The following AKAP6 variants were observed in gnomAD, a reference collection of about 807,000 sequenced individuals.
AKAP6 encodes A-kinase anchoring protein 6.
In AKAP6, 58 loss-of-function variants were observed where a neutral mutation model predicts 188.5. The ratio of observed to expected loss-of-function variants is 0.31; its 90% CI spans 0.25 to 0.38. The LOEUF (loss-of-function observed/expected upper bound fraction) is 0.38, where lower values mean the gene tolerates loss of function less well. AKAP6 is among the 10% of genes least tolerant of loss of function. The pLI is 1.00. For synonymous variants in AKAP6, 989 were observed against 998.6 expected, an observed-to-expected ratio of 0.99 and a Z score of 0.18; for missense variants, 2,710 against 2,740.0, an observed-to-expected ratio of 0.99 and a Z score of 0.24.
At position 32,672,130 on chromosome 14, in the gene AKAP6, A is replaced by T. The variant is rs540862381; in HGVS notation, c.2731-6181A>T. Among the ~76,000 whole-genome samples, 23 of 152,324 alleles carry T rather than the reference A, an allele frequency of 1.5e-4. No homozygotes were observed. In the South Asian group the frequency reaches 4.1e-3, roughly 27 times the overall value. Reference sequence around the variant, plus strand: ...TCACCACATACCGAGCCAAATTTCCATAAAATATTTTAGCAAACTGCATTT... The same window carrying T: ...TCACCACATACCGAGCCAAATTTCCTTAAAATATTTTAGCAAACTGCATTT... On this transcript the variant is annotated intron_variant, in intron 7 of 13. Coordinates refer to ENST00000280979, the MANE Select transcript of AKAP6 (RefSeq NM_004274.5).
At chr14:32,374,446 G>C (rs1348803977) in intron 1 of AKAP6, among the ~76,000 whole-genome samples, 2 of 152,174 alleles carry the variant, frequency 1.3e-5, no homozygotes, top group Admixed American at 6.5e-5. Context: ...GATGACAAAG[G>C]CTTAGCCACA....
At chr14:32,454,596 G>A (rs1158829064) in intron 2 of AKAP6, among the ~76,000 whole-genome samples, 2 of 151,798 alleles carry the variant, frequency 1.3e-5, no homozygotes, top group Admixed American at 1.3e-4. Context: ...CCAGCAGGAA[G>A]ATAAATTACA....
chr14:32,352,757 T>C (rs1489438305), intron 1 of AKAP6, among the ~76,000 whole-genome samples: 2 of 152,254 alleles, frequency 1.3e-5, no homozygotes, highest in African/African-American at 2.4e-5. Context: ...AGTGGCTGAA[T>C]AATATTCCAT....
intron 4 of AKAP6, among the ~76,000 whole-genome samples, chr14:32,559,783 C>CTTTTTT (rs35914295): frequency 3.9e-4 from 46 of 119,074 alleles, no homozygotes; most frequent in Middle Eastern, 4.5e-3. Flanking sequence ...TAAGCCTAAT[C>CTTTTTT]TTTTTTTTTT....
intron 1 of AKAP6, among the ~76,000 whole-genome samples, chr14:32,393,684 T>TA (rs1888784113): frequency 6.6e-6 from 1 of 152,094 alleles, no homozygotes. Context: ...AGTTAAAATT[T>TA]AAAAAAATTA....
intron 2 of AKAP6, among the ~76,000 whole-genome samples, chr14:32,510,205 C>G (rs1255510051): frequency 6.6e-6 from 1 of 151,728 alleles, no homozygotes; most frequent in Non-Finnish European, 1.5e-5. Context: ...AATAGTGTCT[C>G]TCTGCTATAA....
intron 5 of AKAP6, among the ~76,000 whole-genome samples, chr14:32,585,037 T>TG (rs1424713442): frequency 2.0e-5 from 3 of 151,690 alleles, no homozygotes; most frequent in African/African-American, 4.8e-5. Flanking sequence ...AACTAGTTTT[T>TG]TTTTTTCCCC....
chr14:32,627,291 T>G (rs1392384822), intron 7 of AKAP6, among the ~76,000 whole-genome samples: 1 of 152,110 alleles, frequency 6.6e-6, no homozygotes, highest in Non-Finnish European at 1.5e-5. Context: ...AAATGAACTT[T>G]GAATTGGGGT....
intron 7 of AKAP6, among the ~76,000 whole-genome samples, chr14:32,607,997 G>C (rs541149502): frequency 6.6e-6 from 1 of 152,148 alleles, no homozygotes; most frequent in Admixed American, 6.6e-5. Context: ...AGATCAGTGT[G>C]GTTACTAAGT....
intron 1 of AKAP6, among the ~76,000 whole-genome samples, chr14:32,386,467 A>T (rs941602400): frequency 6.6e-6 from 1 of 151,136 alleles, no homozygotes; most frequent in Admixed American, 6.6e-5. Flanking sequence ...TTTTTTTCTT[A>T]CTGATTTGTT....
intron 1 of AKAP6, among the ~76,000 whole-genome samples, chr14:32,356,131 A>G (rs536793308): frequency 6.6e-6 from 1 of 152,268 alleles, no homozygotes; most frequent in Non-Finnish European, 1.5e-5. Context: ...TGTTTCCTGT[A>G]TTAATAATTG....
At chr14:32,559,781 A>ATTT (rs1883867346) in intron 4 of AKAP6, among the ~76,000 whole-genome samples, 2 of 131,616 alleles carry the variant, frequency 1.5e-5, no homozygotes, top group African/African-American at 6.9e-5. Context: ...TCTAAGCCTA[A>ATTT]TCTTTTTTTT....
intron 4 of AKAP6, among the ~76,000 whole-genome samples, chr14:32,555,229 A>T (rs992416474): frequency 6.6e-6 from 1 of 152,196 alleles, no homozygotes; most frequent in Non-Finnish European, 1.5e-5. Context: ...AGCAGCACAA[A>T]TGTGGCTACC....
At chr14:32,371,942 ACTTCT>A (rs905568897) in intron 1 of AKAP6, among the ~76,000 whole-genome samples, 1 of 151,610 alleles carries the variant, frequency 6.6e-6, no homozygotes, top group Non-Finnish European at 1.5e-5. Flanking sequence ...TTCTCTCTCT[ACTTCT>A]CTTTTCTTTC....
chr14:32,411,558 T>C (rs1177182854), intron 1 of AKAP6, among the ~76,000 whole-genome samples: 1 of 152,134 alleles, frequency 6.6e-6, no homozygotes, highest in Non-Finnish European at 1.5e-5. Context: ...AGCTGGTTCT[T>C]AAATTGGCTT....
At chr14:32,503,913 C>G (rs1164390068) in intron 2 of AKAP6, among the ~76,000 whole-genome samples, 1 of 151,812 alleles carries the variant, frequency 6.6e-6, no homozygotes, top group Non-Finnish European at 1.5e-5. Context: ...AACCCTTCCC[C>G]CCATAAAAAG....
chr14:32,710,217 T>C (rs1273866896), intron 9 of AKAP6, among the ~76,000 whole-genome samples: 1 of 151,158 alleles, frequency 6.6e-6, no homozygotes, highest in Non-Finnish European at 1.5e-5. Context: ...AAAAAACCTC[T>C]TCCATTTAGG....
intron 7 of AKAP6, among the ~76,000 whole-genome samples, chr14:32,612,697 G>T (rs1424274243): frequency 6.6e-6 from 1 of 152,114 alleles, no homozygotes; most frequent in Non-Finnish European, 1.5e-5. Context: ...CTTGAGGCAG[G>T]TCTAGTTGGT....
chr14:32,348,882 TGTGCTGAG>T (rs1279877995), intron 1 of AKAP6, among the ~76,000 whole-genome samples: 1 of 152,206 alleles, frequency 6.6e-6, no homozygotes, highest in Non-Finnish European at 1.5e-5. Context: ...CCTATTCTTG[TGTGCTGAG>T]GCCAGCCTGT....
Sources: allele counts gnomAD v4.1 joint callset (sites outside exome capture counted in the v4.1 genomes callset), GRCh38; gene constraint gnomAD v4.1.1; transcripts MANE v1.5; gene names NCBI Gene and HGNC (gene_info 2026-07-23, HGNC 2026-07-21).